STARD13: variants seen among roughly 807,000 people sequenced by gnomAD.
STARD13 encodes the protein stAR-related lipid transfer protein 13.
A neutral mutation model predicts 106.4 loss-of-function variants in STARD13; 62 were observed. The ratio of observed to expected loss-of-function variants is 0.58; its 90% CI spans 0.48 to 0.72. The LOEUF is 0.72. Ranked by LOEUF, STARD13 falls within the 30% of genes least tolerant of loss-of-function variation. The pLI is 0.00. For missense variants in STARD13, 1,387 were observed against 1,424.0 expected, an observed-to-expected ratio of 0.97 and a Z score of 0.42; for synonymous variants, 565 against 553.0, an observed-to-expected ratio of 1.02 and a Z score of -0.31.
chr13:33,108,299 T>C (rs910451526), intron 12 of STARD13, among the ~76,000 whole-genome samples: 5 of 152,172 alleles, frequency 3.3e-5, no homozygotes, highest in Non-Finnish European at 7.4e-5. Flanking sequence ...TCCACCTCCT[T>C]GTATCCTACA....
the STARD13 span, among the ~76,000 whole-genome samples, chr13:33,542,644 G>C: frequency 6.6e-6 from 1 of 152,202 alleles, no homozygotes; most frequent in African/African-American, 2.4e-5. Context: ...TCCGGGGCTC[G>C]TCGGTCGCCG....
intron 1 of STARD13, among the ~76,000 whole-genome samples, chr13:33,227,667 A>G (rs1422769446): frequency 6.6e-6 from 1 of 152,160 alleles, no homozygotes; most frequent in African/African-American, 2.4e-5. Context: ...GGACCACTTT[A>G]ACTTGGACAT....
rs1440818231 is a variant in STARD13, at chr13:33,109,682, G to C, written c.3047+191C>G. 2.0e-5 allele frequency among the ~76,000 whole-genome samples: 3 copies of C among 152,226 alleles called. No homozygotes were observed. In the East Asian group the frequency reaches 5.8e-4, roughly 29 times the overall value. On this transcript the variant is annotated intron_variant, in intron 12 of 13. Transcript: ENST00000336934. ...TCAGAGAGCCCAGGCAGAGCTGTAG[G>C]CTGGGTGAAAAGACACAGGAAGTCG...
intron 1 of STARD13, among the ~76,000 whole-genome samples, chr13:33,237,040 T>C (rs150171487): frequency 1.8e-3 from 276 of 150,972 alleles, no homozygotes; most frequent in Non-Finnish European, 3.3e-3. Context: ...CTTCCTCTTC[T>C]TCTATATGTA....
chr13:33,649,725 A>T, the STARD13 span, among the ~76,000 whole-genome samples: 4 of 151,934 alleles, frequency 2.6e-5, no homozygotes, highest in African/African-American at 7.2e-5. Flanking sequence ...TTCTGAATTT[A>T]AAAAAAATTG....
the STARD13 span, among the ~76,000 whole-genome samples, chr13:33,537,178 T>C: frequency 6.6e-6 from 1 of 152,214 alleles, no homozygotes; most frequent in Non-Finnish European, 1.5e-5. Context: ...TACATAGCTG[T>C]GAGAAAGGTT....
At chr13:33,400,203 G>A in the STARD13 span, among the ~76,000 whole-genome samples, 8 of 151,996 alleles carry the variant, frequency 5.3e-5, no homozygotes, top group African/African-American at 1.5e-4. Context: ...TATGGGTTCC[G>A]TATATAAGTT....
At chr13:33,365,824 T>C in the STARD13 span, among the ~76,000 whole-genome samples, 886 of 152,302 alleles carry the variant, frequency 5.8e-3, 7 homozygotes, top group African/African-American at 0.02. Flanking sequence ...TTATAAAACA[T>C]AGTAGTTTTC....
At chr13:33,139,394 G>A (rs1254499586) in intron 4 of STARD13, among the ~76,000 whole-genome samples, 1 of 152,222 alleles carries the variant, frequency 6.6e-6, no homozygotes, top group Admixed American at 6.5e-5. Context: ...CTGGTGGGGA[G>A]GAAGCCCTGT....
At chr13:33,571,397 G>A in the STARD13 span, among the ~76,000 whole-genome samples, 1 of 152,084 alleles carries the variant, frequency 6.6e-6, no homozygotes, top group South Asian at 2.1e-4. Context: ...AGAACAAAAT[G>A]TCTAGTGTGT....
At chr13:33,189,941 C>T (rs1886121450) in intron 1 of STARD13, among the ~76,000 whole-genome samples, 1 of 151,912 alleles carries the variant, frequency 6.6e-6, no homozygotes, top group Admixed American at 6.6e-5. Flanking sequence ...ATGATGATCC[C>T]AAACTTAACT....
chr13:33,196,475 G>A lies in STARD13; in HGVS notation c.170-28853C>T, dbSNP rs976993052. The stretch of plus-strand genomic sequence containing the variant: ...GCAATATCAGGATATGATAGGAGGC[G>A]CCCTCACTGGAGCTGCCAGCCTGCC... On this transcript the variant is annotated intron_variant, in intron 1 of 13. Coordinates refer to ENST00000336934, the MANE Select transcript of STARD13 (RefSeq NM_178006.4). Among the ~76,000 whole-genome samples, 18 of 152,186 alleles carry A rather than the reference G, an allele frequency of 1.2e-4. No individual in the cohort carries two copies. The South Asian group carries it at 1.9e-3, about 16-fold the overall frequency.
intron 12 of STARD13, among the ~76,000 whole-genome samples, chr13:33,108,079 T>C (rs555271267): frequency 1.3e-5 from 2 of 152,350 alleles, no homozygotes; most frequent in South Asian, 4.1e-4. Context: ...TCGTGACGAC[T>C]GAAAGTTGTA....
chr13:33,295,066 G>A (rs1892435785), intron 1 of STARD13, among the ~76,000 whole-genome samples: 1 of 152,088 alleles, frequency 6.6e-6, no homozygotes, highest in Admixed American at 6.5e-5. Flanking sequence ...GCCCACGACT[G>A]TGGAGGAATA....
At chr13:33,470,071 C>T in the STARD13 span, among the ~76,000 whole-genome samples, 252 of 152,216 alleles carry the variant, frequency 1.7e-3, 1 homozygote, top group African/African-American at 4.5e-3. Context: ...CCGACAGGCT[C>T]CACTGTGTGA....
intron 1 of STARD13, among the ~76,000 whole-genome samples, chr13:33,205,568 A>G (rs117125883): frequency 4.6e-5 from 7 of 152,372 alleles, no homozygotes; most frequent in Non-Finnish European, 1.0e-4. Flanking sequence ...AGATAAAACA[A>G]TTCTCTCTGA....
chr13:33,473,707 T>A, the STARD13 span, among the ~76,000 whole-genome samples: 1 of 152,184 alleles, frequency 6.6e-6, no homozygotes, highest in African/African-American at 2.4e-5. Flanking sequence ...TGTCCACCCA[T>A]TTTTAGCTGT....
chr13:33,334,532 C>T, intron 1 of STARD13, among the ~76,000 whole-genome samples: 1 of 152,124 alleles, frequency 6.6e-6, no homozygotes, highest in East Asian at 1.9e-4. Context: ...ACACAGCGGA[C>T]CCTTGTCAGG....
At chr13:33,315,024 A>G (rs1465113354) in intron 1 of STARD13, among the ~76,000 whole-genome samples, 1 of 152,192 alleles carries the variant, frequency 6.6e-6, no homozygotes, top group African/African-American at 2.4e-5. Flanking sequence ...GGAAGTTATA[A>G]TGTACATAAG....
Sources: gnomAD v4.1 joint callset for allele counts (sites outside exome capture counted in the v4.1 genomes callset) on GRCh38, gnomAD v4.1.1 for gene constraint, MANE v1.5 for transcripts, NCBI Gene and HGNC (gene_info 2026-07-23, HGNC 2026-07-21) for gene names.